The following NOMO3 variants were observed in gnomAD, a reference collection of about 807,000 sequenced individuals.
NOMO3 encodes BOS complex subunit NOMO3.
In NOMO3, 15 loss-of-function variants were observed where a neutral mutation model predicts 69.9. That is an observed-to-expected ratio of 0.21 (90% CI 0.14 to 0.33). The LOEUF is 0.33. Ranked by LOEUF, NOMO3 falls within the 10% of genes least tolerant of loss-of-function variation. NOMO3 has a pLI of 1.00. For missense variants in NOMO3, 218 were observed against 761.0 expected (o/e 0.29, Z 8.39); for synonymous variants, 89 against 301.9 (o/e 0.29, Z 7.31).
Position 16,232,705 on chromosome 16 carries a change from G to A in NOMO3, c.39G>A (p.Ala13=), listed in dbSNP as rs1409413030. ...AGGGCGCGGGGCCGCTGGGGCCCGC[G>A]GTGGTCACCGCCGCGGTGGTGCTGC... The part of the protein sequence containing the change: ...VGQGAGPLGP[A]VVTAAVVLLL... The change falls in exon 1 of 31, where the codon GCG becomes GCA. Residue 13 remains alanine, a synonymous_variant. Transcript: ENST00000399336. 3 of 796,244 alleles carry A rather than the reference G, an allele frequency of 3.8e-6. No homozygotes were observed. Among genetic ancestry groups the A allele is most frequent in the East Asian group, 7.5e-5 (2 of 26,594 alleles). The allele number at this position is 796,244 out of a possible 1,614,324, so 49.3% of individuals were successfully genotyped here. A position where few individuals can be genotyped will look rare whatever the true frequency, so the allele number is the denominator to read the frequency against.
rs2856552 is a variant in NOMO3 at position 16,259,283 on chromosome 16, T to G, written c.1221-2219T>G. On this transcript the variant is annotated intron_variant, in intron 11 of 30. Transcript: ENST00000399336. ...GTTGAACATTTTTGGAAAAATCTCT[T>G]TTTTTTAATTGGCCGATGTAGTACA... Among the ~76,000 whole-genome samples the G allele has an allele frequency of 1.2e-4, 18 of 144,878 alleles. 2 individuals are homozygous for G. The highest frequency in any genetic ancestry group is 2.5e-4 in the African/African-American group (9 of 35,788).
intron 6 of NOMO3, among the ~76,000 whole-genome samples, chr16:16,249,830 T>C (rs62032164): frequency 0.23 from 33,053 of 141,012 alleles, 5,993 homozygotes; most frequent in African/African-American, 0.29. Flanking sequence ...TGTTGGGTAA[T>C]CAGTGCCCAA....
intron 1 of NOMO3, among the ~76,000 whole-genome samples, chr16:16,233,491 T>C (rs1221246665): frequency 9.6e-6 from 1 of 103,830 alleles, no homozygotes; most frequent in East Asian, 2.4e-4. Flanking sequence ...CCCTAGAGAT[T>C]TGTGCTGAAG....
intron 11 of NOMO3, chr16:16,260,894 C>T (rs1045556712): frequency 6.8e-6 from 1 of 146,736 alleles, no homozygotes; most frequent in Non-Finnish European, 1.4e-5. Context: ...CTTAATAGGG[C>T]TTTTCAGTTA....
chr16:16,273,678 C>T lies in NOMO3; in HGVS notation c.2055-11C>T, dbSNP rs1265318472. On this transcript the variant is annotated splice_polypyrimidine_tract_variant and intron_variant, in intron 18 of 30. Coordinates refer to ENST00000399336, the MANE Select transcript of NOMO3 (RefSeq NM_001004067.4). ...AACCACGTCCTAGGGGCCGCCATTT[C>T]TTTCTTCTAGGTCTTCCATCGACAG... 1 of 517,552 alleles carries T rather than the reference C, an allele frequency of 1.9e-6. No individual in the cohort carries two copies. Among genetic ancestry groups the T allele is most frequent in the Non-Finnish European group, 2.9e-6 (1 of 347,962 alleles). 32.1% of individuals were successfully genotyped at this position (517,552 alleles called of 1,614,324 possible). A position where few individuals can be genotyped will look rare whatever the true frequency, so the allele number is the denominator to read the frequency against.
intron 14 of NOMO3, among the ~76,000 whole-genome samples, chr16:16,264,672 C>T (rs1160219282): frequency 1.5e-4 from 20 of 135,016 alleles, no homozygotes; most frequent in African/African-American, 5.8e-4. Context: ...CTCAGCTTCC[C>T]GAGTAGCTGG....
chr16:16,238,874 G>C (rs527564174), intron 2 of NOMO3, among the ~76,000 whole-genome samples: 1 of 130,644 alleles, frequency 7.7e-6, no homozygotes, highest in South Asian at 2.4e-4. Flanking sequence ...GCTCAGGAGT[G>C]TGAGACCAGC....
Position 16,264,824 on chromosome 16 carries a change from A to C in NOMO3, c.1670-219A>C, listed in dbSNP as rs2049595429. 1.5e-5 allele frequency among the ~76,000 whole-genome samples: 2 copies of C among 136,162 alleles called. 1 individual carries two copies. Among genetic ancestry groups the C allele is most frequent in the South Asian group, 4.6e-4 (2 of 4,314 alleles). 89.3% of individuals were successfully genotyped at this position (136,162 alleles called of 152,430 possible). A position where few individuals can be genotyped will look rare whatever the true frequency, so the allele number is the denominator to read the frequency against. ...CGGCCTCCCAGAGTGCTGGGATTAT[A>C]GGCATGAGCCACCACGCTCGACTCC... On this transcript the variant is annotated intron_variant, in intron 14 of 30. Transcript: ENST00000399336.
intron 4 of NOMO3, among the ~76,000 whole-genome samples, chr16:16,244,186 T>G (rs2049397726): frequency 7.0e-6 from 1 of 142,342 alleles, no homozygotes; most frequent in South Asian, 2.3e-4. Context: ...CCTCTACCTT[T>G]GCGGTGACGG....
At chr16:16,238,351 G>C (rs2049347358) in intron 2 of NOMO3, among the ~76,000 whole-genome samples, 1 of 136,240 alleles carries the variant, frequency 7.3e-6, no homozygotes, top group African/African-American at 3.1e-5. Context: ...TTCTGCCTCA[G>C]CCTCCCAAGT....
intron 3 of NOMO3, among the ~76,000 whole-genome samples, chr16:16,240,555 G>A (rs1390117900): frequency 3.4e-5 from 5 of 145,416 alleles, no homozygotes; most frequent in Non-Finnish European, 7.4e-5. Flanking sequence ...CCCAACAAAA[G>A]CTCCAAACTT....
Position 16,233,559 on chromosome 16 carries a change from C to A in NOMO3, c.165+728C>A, listed in dbSNP as rs2141243785. On this transcript the variant is annotated intron_variant, in intron 1 of 30. Coordinates refer to ENST00000399336, the MANE Select transcript of NOMO3 (RefSeq NM_001004067.4). The stretch of plus-strand genomic sequence containing the variant: ...AAAGTCCTGTTAAATGTTTATCAGC[C>A]CGGTGGGATTATGACCCAGAAAGGT... 2.0e-5 allele frequency among the ~76,000 whole-genome samples: 2 copies of A among 101,112 alleles called. 1 individual carries two copies. The highest frequency in any genetic ancestry group is 5.2e-4 in the East Asian group (2 of 3,844). 66.3% of individuals were successfully genotyped at this position (101,112 alleles called of 152,430 possible).
chr16:16,255,731 C>T lies in NOMO3; in HGVS notation c.975C>T (p.His325=), dbSNP rs201897759. 3,746 of 1,591,012 alleles carry T rather than the reference C, an allele frequency of 2.4e-3. 161 individuals are homozygous for T. The highest frequency in any genetic ancestry group is 3.0e-3 in the South Asian group (272 of 89,330). The stretch of plus-strand genomic sequence containing the variant: ...TCTTTGTTTTCTAGCCCGTGTTCCA[C>T]GTCATGGGATTCTCCGTCACCGGGA... ...HDSLKIEPVF[H]VMGFSVTGRV... Residue 325 remains histidine, a synonymous_variant, in exon 10 of 31, where the codon CAC becomes CAT. Transcript: ENST00000399336.
intron 11 of NOMO3, among the ~76,000 whole-genome samples, chr16:16,259,195 G>T (rs1185150054): frequency 6.9e-6 from 1 of 143,892 alleles, no homozygotes; most frequent in Non-Finnish European, 1.5e-5. Flanking sequence ...GGAGATGGAG[G>T]AAATATATTT....
chr16:16,244,376 G>A (rs957403715), intron 4 of NOMO3, among the ~76,000 whole-genome samples: 2 of 124,314 alleles, frequency 1.6e-5, no homozygotes, highest in Non-Finnish European at 3.2e-5. Flanking sequence ...GTGCAGTAGC[G>A]CAGTCTCTCT....
intron 1 of NOMO3, chr16:16,235,775 T>G (rs2049321109): frequency 2.3e-6 from 1 of 436,180 alleles, no homozygotes; most frequent in Middle Eastern, 5.8e-4. Flanking sequence ...CCCAAAGTGC[T>G]GGGATTACAG....
At position 16,274,003 on chromosome 16, in the gene NOMO3, A is replaced by G; in HGVS notation, c.2284A>G (p.Lys762Glu). ...DFSYWARSGE[K>E]ITVTPSSKEL... ...TATTAATTATTTTAGGTCTGGAGAG[A>G]AAATCACTGTTACACCGTCATCTAA... The change falls in exon 20 of 31, where the codon AAA becomes GAA. Residue 762 changes from lysine to glutamate, a missense_variant. Lys to Glu is a moderately conservative substitution (Grantham distance 56). Coordinates refer to ENST00000399336, the MANE Select transcript of NOMO3 (RefSeq NM_001004067.4). 1 of 1,476,476 alleles carries G rather than the reference A, an allele frequency of 6.8e-7. No individual in the cohort carries two copies. The highest frequency in any genetic ancestry group is 9.1e-7 in the Non-Finnish European group (1 of 1,103,068). 91.5% of individuals were successfully genotyped at this position (1,476,476 alleles called of 1,614,324 possible).
chr16:16,235,139 CAG>C (rs1567558356), intron 1 of NOMO3, among the ~76,000 whole-genome samples: 1 of 151,248 alleles, frequency 6.6e-6, no homozygotes. Flanking sequence ...TCACTGACCT[CAG>C]AGAACTTTAC....
intron 2 of NOMO3, among the ~76,000 whole-genome samples, chr16:16,238,234 C>CTTTTTTT (rs539081532): frequency 8.2e-6 from 1 of 122,492 alleles, no homozygotes; most frequent in Admixed American, 7.9e-5. Flanking sequence ...GATCTACTGA[C>CTTTTTTT]TTTTTTTTTT....
Sources: gnomAD v4.1 joint callset for allele counts (sites outside exome capture counted in the v4.1 genomes callset) on GRCh38, gnomAD v4.1.1 for gene constraint, MANE v1.5 for transcripts, NCBI Gene and HGNC (gene_info 2026-07-23, HGNC 2026-07-21) for gene names.